RASGRP2: variants seen among roughly 807,000 people sequenced by gnomAD.
RASGRP2 encodes the protein RAS guanyl-releasing protein 2.
RASGRP2 carries 44 observed loss-of-function variants against 71.0 expected under a neutral mutation model. The ratio of observed to expected loss-of-function variants is 0.62; its 90% CI spans 0.49 to 0.80. The LOEUF is 0.80. Ranked by LOEUF, RASGRP2 falls within the 30% of genes least tolerant of loss-of-function variation. RASGRP2 has a pLI of 0.00. For synonymous variants in RASGRP2, 350 were observed against 330.7 expected, an observed-to-expected ratio of 1.06 and a Z score of -0.63; for missense variants, 663 against 813.4, an observed-to-expected ratio of 0.82 and a Z score of 2.25.
Position 64,739,277 on chromosome 11 carries a change from G to T in RASGRP2, c.813+83C>A. Reference sequence around the variant, plus strand: ...TTTCCATATCTATCAAATGAGGACAGCTGTGCCCAGCCCCCAGTGCTGCTG... The same window carrying T: ...TTTCCATATCTATCAAATGAGGACATCTGTGCCCAGCCCCCAGTGCTGCTG... On this transcript the variant is annotated intron_variant, in intron 8 of 16. Coordinates refer to ENST00000394432, the MANE Select transcript of RASGRP2 (RefSeq NM_001098671.2). The surrounding 1 kb of genome is among the most constrained non-coding windows in gnomAD (Gnocchi z 4.2). The T allele has an allele frequency of 3.8e-6, 4 of 1,052,440 alleles. No homozygotes were observed. The highest frequency in any genetic ancestry group is 6.0e-6 in the Non-Finnish European group (4 of 672,142). 65.2% of individuals were successfully genotyped at this position (1,052,440 alleles called of 1,614,324 possible). A position where few individuals can be genotyped will look rare whatever the true frequency, so the allele number is the denominator to read the frequency against.
At chr11:64,744,176 C>A, upstream of RASGRP2, 3 of 986,354 alleles carry the variant, frequency 3.0e-6, no homozygotes, top group South Asian at 4.7e-5. Flanking sequence ...CACACACATG[C>A]ACACACCCCC....
chr11:64,741,920 G>C, intron 3 of RASGRP2, 90 bp downstream of exon 3: 1 of 1,112,710 alleles, frequency 9.0e-7, no homozygotes, highest in Non-Finnish European at 1.3e-6. Context: ...CCTATACTTA[G>C]GAGCGAGGCT....
chr11:64,743,232 G>A lies in RASGRP2; in HGVS notation c.-71-295C>T. On this transcript the variant is annotated intron_variant, in intron 1 of 16. Transcript: ENST00000394432. The surrounding 1 kb of genome is among the most constrained non-coding windows in gnomAD (Gnocchi z 4.9). ...TGGCTGGCGCCCAGCCCCCCGCAGGGCGCCTTCTCCTCGCGCCCTCTCCCC... is the reference window on the plus strand; with the variant it reads ...TGGCTGGCGCCCAGCCCCCCGCAGGACGCCTTCTCCTCGCGCCCTCTCCCC... 1 of 508,668 alleles carries A rather than the reference G, an allele frequency of 2.0e-6. No homozygotes were observed. The highest frequency in any genetic ancestry group is 3.8e-6 in the Non-Finnish European group (1 of 261,610). 31.5% of individuals were successfully genotyped at this position (508,668 alleles called of 1,614,324 possible).
At position 64,739,945 on chromosome 11, in the gene RASGRP2, C is replaced by A; in HGVS notation, c.522+68G>T. On this transcript the variant is annotated intron_variant, in intron 6 of 16. Transcript: ENST00000394432. The surrounding 1 kb of genome is among the most constrained non-coding windows in gnomAD (Gnocchi z 4.2). ...CCTGTGACCCAGCCTACGCCAGGGA[C>A]CCTGCCCCTCCTAGAACTCTCTTCC... 6.2e-7 allele frequency: 1 copy of A among 1,612,182 alleles called. No homozygotes were observed. The highest frequency in any genetic ancestry group is 2.2e-5 in the East Asian group (1 of 44,854).
Position 64,729,127 on chromosome 11 carries a change from A to G in RASGRP2, c.1592-85T>C, listed in dbSNP as rs2057674870. On this transcript the variant is annotated intron_variant, in intron 14 of 16. Coordinates refer to ENST00000394432, the MANE Select transcript of RASGRP2 (RefSeq NM_001098671.2). ...TCCCGCAGGCTTGTGCCCCCCTACC[A>G]GGAACCTTTGTTCCTGAGCAGCTGC... is the stretch of plus-strand genomic sequence containing the variant. 3.6e-6 allele frequency: 5 copies of G among 1,385,130 alleles called. No homozygotes were observed. In the Admixed American group the frequency reaches 7.9e-5, roughly 22 times the overall value. The allele number at this position is 1,385,130 out of a possible 1,614,324, so 85.8% of individuals were successfully genotyped here. A position where few individuals can be genotyped will look rare whatever the true frequency, so the allele number is the denominator to read the frequency against.
At position 64,735,143 on chromosome 11, in the gene RASGRP2, G is replaced by A. The variant is rs2135753764; in HGVS notation, c.1381C>T (p.Leu461Phe). Residue 461 changes from leucine to phenylalanine, a missense_variant, in exon 12 of 17, where the codon CTC becomes TTC. Leu to Phe is a conservative substitution (Grantham distance 22). Coordinates refer to ENST00000394432, the MANE Select transcript of RASGRP2 (RefSeq NM_001098671.2). This position sits in a 1 kb window ranked among gnomAD's most constrained non-coding sequence, Gnocchi z 4.2. ...TGGTCGAGGTCCCCAAAGGCGCTGAGGTAAGGGAAGTTCCCACGGATGATC... is the reference window on the plus strand; with the variant it reads ...TGGTCGAGGTCCCCAAAGGCGCTGAAGTAAGGGAAGTTCCCACGGATGATC... ...FQIIRGNFPY[L>F]SAFGDLDQNQ... 1.2e-6 allele frequency: 2 copies of A among 1,614,168 alleles called. No homozygotes were observed. Among genetic ancestry groups the A allele is most frequent in the Non-Finnish European group, 1.7e-6 (2 of 1,180,014 alleles).
In RASGRP2 at chr11:64,742,497, G is replaced by T; in HGVS notation, c.73+297C>A. The T allele has an allele frequency of 1.7e-6, 1 of 576,086 alleles. No homozygotes were observed. The highest frequency in any genetic ancestry group is 2.0e-5 in the South Asian group (1 of 49,326). 35.7% of individuals were successfully genotyped at this position (576,086 alleles called of 1,614,324 possible). ...GGAAACAGCTCCCAGGCCGGAGATA[G>T]CGAGTTCCTCCGGATTCCCCGGGAG... On this transcript the variant is annotated intron_variant, in intron 2 of 16. Transcript: ENST00000394432. This position sits in a 1 kb window ranked among gnomAD's most constrained non-coding sequence, Gnocchi z 4.7.
rs750735438 is a variant in RASGRP2 at position 64,740,978 on chromosome 11, C to T, written c.341G>A (p.Arg114Gln). 8.1e-6 allele frequency: 13 copies of T among 1,613,818 alleles called. 1 individual carries two copies. The highest frequency in any genetic ancestry group is 1.7e-5 in the Admixed American group (1 of 59,980). The change falls in exon 5 of 17, where the codon CGG becomes CAG. Residue 114 changes from arginine (R) to glutamine (Q), a missense_variant. Transcript: ENST00000394432. ...KALLDQEGNR[R>Q]HSSLIDIDSV... ...GTCTATGTCGATTAGGCTGCTGTGC[C>T]GTCGGTTCCCTTCTTGGTCTAGCAG...
At chr11:64,740,574 G>C (rs140783320) in intron 5 of RASGRP2, 1 of 661,306 alleles carries the variant, frequency 1.5e-6, no homozygotes, top group Non-Finnish European at 2.8e-6. Flanking sequence ...ATTCTACCCC[G>C]GAAGAGCCCC....
intron 12 of RASGRP2, among the ~76,000 whole-genome samples, chr11:64,733,853 CT>C (rs200730812): frequency 1.4e-4 from 19 of 135,598 alleles, no homozygotes; most frequent in African/African-American, 2.7e-4. Context: ...CTTTTTTTTT[CT>C]TTTTTTTTTT....
In RASGRP2 at chr11:64,741,996, C is replaced by G; in HGVS notation, c.176+14G>C. 1 of 1,598,718 alleles carries G rather than the reference C, an allele frequency of 6.3e-7. No individual in the cohort carries two copies. Among genetic ancestry groups the G allele is most frequent in the Non-Finnish European group, 8.5e-7 (1 of 1,172,860 alleles). On this transcript the variant is annotated intron_variant, in intron 3 of 16. Transcript: ENST00000394432. Reference sequence around the variant, plus strand: ...TCCGACGGCGGGGGCCTTGGCAAGGCCGGCGAAGGATATATGTGGAGCAGC... The same window carrying G: ...TCCGACGGCGGGGGCCTTGGCAAGGGCGGCGAAGGATATATGTGGAGCAGC...
chr11:64,742,659 G>T lies in RASGRP2; in HGVS notation c.73+135C>A. 3 of 1,223,394 alleles carry T rather than the reference G, an allele frequency of 2.5e-6. No homozygotes were observed. The highest frequency in any genetic ancestry group is 3.5e-6 in the Non-Finnish European group (3 of 860,408). The allele number at this position is 1,223,394 out of a possible 1,614,324, so 75.8% of individuals were successfully genotyped here. On this transcript the variant is annotated intron_variant, in intron 2 of 16. Coordinates refer to ENST00000394432, the MANE Select transcript of RASGRP2 (RefSeq NM_001098671.2). This position sits in a 1 kb window ranked among gnomAD's most constrained non-coding sequence, Gnocchi z 4.7. ...GCCCTGCGTTGCGGAGGAGGCTTTC[G>T]TTAAAGAGACTGCACGCTGCGGAGC... is the stretch of plus-strand genomic sequence containing the variant.
rs1227525513 is a variant in RASGRP2, at chr11:64,735,463, C to T, written c.1296+79G>A. On this transcript the variant is annotated intron_variant, in intron 11 of 16. Coordinates refer to ENST00000394432, the MANE Select transcript of RASGRP2 (RefSeq NM_001098671.2). The surrounding 1 kb of genome is among the most constrained non-coding windows in gnomAD (Gnocchi z 4.2). ...GCTGAGTGCTGGGTCTTGAACAGGA[C>T]ACTCGTGCTGGCTTCCAGGGCAGTG... 2 of 1,606,602 alleles carry T rather than the reference C, an allele frequency of 1.2e-6. No homozygotes were observed. The highest frequency in any genetic ancestry group is 1.3e-5 in the African/African-American group (1 of 74,876).
In RASGRP2 at chr11:64,742,674, C is replaced by G. The variant is rs1040113987; in HGVS notation, c.73+120G>C. ...GGAGGCTTTCGTTAAAGAGACTGCA[C>G]GCTGCGGAGCAGGGTGGGTCCGGGT... is the stretch of plus-strand genomic sequence containing the variant. On this transcript the variant is annotated intron_variant, in intron 2 of 16. Coordinates refer to ENST00000394432, the MANE Select transcript of RASGRP2 (RefSeq NM_001098671.2). The surrounding 1 kb of genome is among the most constrained non-coding windows in gnomAD (Gnocchi z 4.7). 1.5e-6 allele frequency: 2 copies of G among 1,345,062 alleles called. No homozygotes were observed. Among genetic ancestry groups the G allele is most frequent in the Non-Finnish European group, 2.1e-6 (2 of 967,878 alleles). 83.3% of individuals were successfully genotyped at this position (1,345,062 alleles called of 1,614,324 possible).
At position 64,741,454 on chromosome 11, in the gene RASGRP2, G is replaced by C; in HGVS notation, c.224C>G (p.Thr75Arg). The C allele has an allele frequency of 6.4e-7, 1 of 1,573,208 alleles. No homozygotes were observed. The highest frequency in any genetic ancestry group is 8.6e-7 in the Non-Finnish European group (1 of 1,157,318). Residue 75 changes from threonine (T) to arginine (R), a missense_variant, in exon 4 of 17, where the codon ACG (threonine) becomes AGG (arginine). Physicochemically the swap from Thr to Arg is moderately conservative, Grantham distance 71. Coordinates refer to ENST00000394432, the MANE Select transcript of RASGRP2 (RefSeq NM_001098671.2). ...KDNSNSLQVKTCHLVRYWISA... is the reference protein window; with the variant it reads ...KDNSNSLQVKRCHLVRYWISA... ...AAAGACTCACCTGACCAGGTGGCACGTTTTCACCTGCAGGGAATTGGAGTT... is the reference window on the plus strand; with the variant it reads ...AAAGACTCACCTGACCAGGTGGCACCTTTTCACCTGCAGGGAATTGGAGTT...
At chr11:64,740,251 T>C (rs754081130) in intron 5 of RASGRP2, 88 bp from the exon 6 acceptor site, 3 of 1,546,564 alleles carry the variant, frequency 1.9e-6, no homozygotes, top group Non-Finnish European at 2.7e-6. Context: ...TCACGCTTAC[T>C]GAGAACCTAC....
chr11:64,737,786 G>A (rs1223949191), intron 8 of RASGRP2, among the ~76,000 whole-genome samples: 1 of 151,980 alleles, frequency 6.6e-6, no homozygotes, highest in East Asian at 1.9e-4. Flanking sequence ...GGGGGCAGTG[G>A]CTCACACCTG....
At position 64,740,969 on chromosome 11, in the gene RASGRP2, C is replaced by G. The variant is rs781543360; in HGVS notation, c.350G>C (p.Ser117Thr). ...LDQEGNRRHSSLIDIDSVPTY... is the reference protein window; with the variant it reads ...LDQEGNRRHSTLIDIDSVPTY... Reference sequence around the variant, plus strand: ...GCACACGCTGTCTATGTCGATTAGGCTGCTGTGCCGTCGGTTCCCTTCTTG... The same window carrying G: ...GCACACGCTGTCTATGTCGATTAGGGTGCTGTGCCGTCGGTTCCCTTCTTG... Residue 117 changes from serine (S) to threonine (T), a missense_variant, in exon 5 of 17, where the codon AGC becomes ACC. Transcript: ENST00000394432. 9.9e-6 allele frequency: 16 copies of G among 1,614,018 alleles called. No individual in the cohort carries two copies. Among genetic ancestry groups the G allele is most frequent in the Non-Finnish European group, 1.4e-5 (16 of 1,180,000 alleles).
upstream of RASGRP2, chr11:64,744,267 C>T: frequency 2.0e-6 from 2 of 985,674 alleles, no homozygotes; most frequent in Non-Finnish European, 2.4e-6. Context: ...CCCTGACTCC[C>T]CTCACTCCCA....
Sources: gnomAD v4.1 joint callset for allele counts (sites outside exome capture counted in the v4.1 genomes callset) on GRCh38, gnomAD v4.1.1 for gene constraint, Gnocchi (gnomAD v3.1) non-coding constraint, MANE v1.5 for transcripts, NCBI Gene and HGNC (gene_info 2026-07-23, HGNC 2026-07-21) for gene names.